Variants in SLC16A1 observed in about 807,000 individuals in gnomAD.
The protein encoded by SLC16A1 is solute carrier family 16 member 1.
Under a neutral mutation model 32.2 loss-of-function variants are expected in SLC16A1, and 11 were observed. The ratio of observed to expected loss-of-function variants is 0.34; its 90% confidence interval spans 0.21 to 0.56. SLC16A1 has a LOEUF of 0.56. Ranked by LOEUF, SLC16A1 falls within the 20% of genes least tolerant of loss-of-function variation. The pLI, the probability that SLC16A1 is intolerant of heterozygous loss-of-function variation, is 0.87. For missense variants in SLC16A1, 435 were observed against 615.0 expected (o/e 0.71, Z 3.10); for synonymous variants, 231 against 226.8 (o/e 1.02, Z -0.17).
At chr1:112,935,856 T>C (rs1649284336) in intron 1 of SLC16A1, 1 of 152,202 alleles carries the variant, frequency 6.6e-6, no homozygotes, top group African/African-American at 2.4e-5. Context: ...TTCTCCCCCA[T>C]TCTCTCTTTT....
chr1:112,935,659 A>G (rs1232529762), intron 1 of SLC16A1, among the ~76,000 whole-genome samples: 2 of 152,214 alleles, frequency 1.3e-5, no homozygotes, highest in African/African-American at 2.4e-5. Context: ...AGGGTTAATG[A>G]CTAAGGATAT....
At chr1:112,914,518 T>C (rs1036217498) in intron 4 of SLC16A1, among the ~76,000 whole-genome samples, 2 of 152,220 alleles carry the variant, frequency 1.3e-5, no homozygotes, top group African/African-American at 4.8e-5. Context: ...AAGGCCATAG[T>C]GCTGTCCCAT....
intron 1 of SLC16A1, 42 bp from the exon 2 acceptor site, chr1:112,929,394 C>G (rs1455519941): frequency 1.8e-6 from 2 of 1,089,704 alleles, no homozygotes; most frequent in Admixed American, 1.9e-5. Flanking sequence ...ATATAAGGCA[C>G]ACCTATAAAA....
At chr1:112,923,960 G>T (rs1353649275) in intron 2 of SLC16A1, 4 of 1,496,776 alleles carry the variant, frequency 2.7e-6, no homozygotes, top group Non-Finnish European at 3.7e-6. Flanking sequence ...CTGGGGACCT[G>T]CTGACTGGCA....
intron 1 of SLC16A1, among the ~76,000 whole-genome samples, chr1:112,946,071 C>T (rs1649695744): frequency 6.6e-6 from 1 of 152,178 alleles, no homozygotes; most frequent in Admixed American, 6.5e-5. Flanking sequence ...TTCCACACTA[C>T]TGTGGAAAAC....
At chr1:112,919,123 C>A (rs1047873700) in intron 3 of SLC16A1, among the ~76,000 whole-genome samples, 2 of 151,920 alleles carry the variant, frequency 1.3e-5, no homozygotes, top group African/African-American at 4.8e-5. Context: ...CTCCACCTCC[C>A]GGGTTCACAC....
chr1:112,918,471 T>C (rs570735247), intron 3 of SLC16A1, among the ~76,000 whole-genome samples: 10 of 152,338 alleles, frequency 6.6e-5, no homozygotes, highest in Admixed American at 2.0e-4. Context: ...TATAAGATCA[T>C]TAAGTCGACA....
rs371087996 is a variant in SLC16A1 at position 112,920,248 on chromosome 1, G to A, written c.361+1742C>T. Among the ~76,000 whole-genome samples, 16 of 152,286 alleles carry A rather than the reference G, an allele frequency of 1.1e-4. 1 individual carries two copies. In the East Asian group the frequency reaches 1.4e-3, roughly 13 times the overall value. On this transcript the variant is annotated intron_variant, in intron 3 of 4. Coordinates refer to ENST00000369626, the MANE Select transcript of SLC16A1 (RefSeq NM_003051.4). Reference sequence around the variant, plus strand: ...AGCATGTTGGGAGGCCGAGGCAGGCGGATCACCTGAGGTCAGGAGTTTGAG... The same window carrying A: ...AGCATGTTGGGAGGCCGAGGCAGGCAGATCACCTGAGGTCAGGAGTTTGAG...
At position 112,929,317 on chromosome 1, in the gene SLC16A1, T is replaced by G; in HGVS notation, c.-9A>C. On this transcript the variant is annotated 5_prime_UTR_variant, in exon 2 of 5. Coordinates refer to ENST00000369626, the MANE Select transcript of SLC16A1 (RefSeq NM_003051.4). ...CCAACTGCTGGTGGCATTTTAAGTG[T>G]AGATAAATTCCAAAATGCAGGTCAA... 1 of 1,612,210 alleles carries G rather than the reference T, an allele frequency of 6.2e-7. No individual in the cohort carries two copies. The highest frequency in any genetic ancestry group is 8.5e-7 in the Non-Finnish European group (1 of 1,178,876).
At chr1:112,936,717 A>T (rs1649322341) in intron 1 of SLC16A1, among the ~76,000 whole-genome samples, 1 of 152,136 alleles carries the variant, frequency 6.6e-6, no homozygotes, top group Non-Finnish European at 1.5e-5. Flanking sequence ...TTGTAGTGGG[A>T]GTAAAAGGCT....
intron 4 of SLC16A1, among the ~76,000 whole-genome samples, chr1:112,915,407 G>A (rs1648466429): frequency 6.6e-6 from 1 of 152,302 alleles, no homozygotes; most frequent in Non-Finnish European, 1.5e-5. Flanking sequence ...GAAGGGCCAG[G>A]TTGCTGGGGC....
chr1:112,922,346 G>A (rs562102810), intron 2 of SLC16A1: 52 of 581,916 alleles, frequency 8.9e-5, no homozygotes, highest in Non-Finnish European at 1.5e-4. Flanking sequence ...TAAAAATACT[G>A]GATGGAATTT....
intron 1 of SLC16A1, among the ~76,000 whole-genome samples, chr1:112,947,753 A>T (rs1215445297): frequency 6.6e-6 from 1 of 152,204 alleles, no homozygotes; most frequent in African/African-American, 2.4e-5. Flanking sequence ...TCTGAACTTC[A>T]TTATGATGCT....
rs1648555603 is a variant in SLC16A1, at chr1:112,917,451, C to T, written c.955G>A (p.Val319Ile). 1 of 1,614,016 alleles carries T rather than the reference C, an allele frequency of 6.2e-7. No individual in the cohort carries two copies. Among genetic ancestry groups the T allele is most frequent in the Admixed American group, 1.7e-5 (1 of 60,000 alleles). The change falls in exon 4 of 5, where the codon GTA becomes ATA. Residue 319 changes from valine (V) to isoleucine (I), a missense_variant. Physicochemically the swap from Val to Ile is conservative, Grantham distance 29. Transcript: ENST00000369626. This position sits in a 1 kb window ranked among gnomAD's most constrained non-coding sequence, Gnocchi z 4.1. ...GGTCTTATTGGCTTTGTGTTGGCTA[C>T]AAGTCCCATAGATGGTCGGGCTACC... The part of the protein sequence containing the change: ...DMVARPSMGL[V>I]ANTKPIRPRI...
chr1:112,923,102 C>G (rs1386864138), intron 2 of SLC16A1, among the ~76,000 whole-genome samples: 1 of 151,662 alleles, frequency 6.6e-6, no homozygotes. Context: ...GATGGATCAC[C>G]TGAGGTCAGG....
At position 112,924,008 on chromosome 1, in the gene SLC16A1, G is replaced by A. The variant is rs1165055320; in HGVS notation, c.218-1875C>T. 4 of 1,388,858 alleles carry A rather than the reference G, an allele frequency of 2.9e-6. No homozygotes were observed. In the African/African-American group the frequency reaches 5.7e-5, roughly 20 times the overall value. 86.0% of individuals were successfully genotyped at this position (1,388,858 alleles called of 1,614,324 possible). On this transcript the variant is annotated intron_variant, in intron 2 of 4. Coordinates refer to ENST00000369626, the MANE Select transcript of SLC16A1 (RefSeq NM_003051.4). ...AGGACAAGGACAGGAAACAGCCCAT[G>A]GGCCGCTTCTTTGGGACTCAATGGG... is the stretch of plus-strand genomic sequence containing the variant.
intron 1 of SLC16A1, among the ~76,000 whole-genome samples, chr1:112,935,580 TTATC>T (rs1295973428): frequency 6.6e-6 from 1 of 152,124 alleles, no homozygotes; most frequent in Non-Finnish European, 1.5e-5. Context: ...GATCTGACAT[TTATC>T]TAATGGGACT....
rs113263872 is a variant in SLC16A1 at position 112,938,258 on chromosome 1, C to G, written c.-44-8906G>C. On this transcript the variant is annotated intron_variant, in intron 1 of 4. Coordinates refer to ENST00000369626, the MANE Select transcript of SLC16A1 (RefSeq NM_003051.4). ...TTCAAACACATGGAAACATTCAAATCCAGAAAGGCTGATTTCCTGAAGCTA... is the reference window on the plus strand; with the variant it reads ...TTCAAACACATGGAAACATTCAAATGCAGAAAGGCTGATTTCCTGAAGCTA... Among the ~76,000 whole-genome samples, 235 of 152,196 alleles carry G rather than the reference C, an allele frequency of 1.5e-3. 2 individuals carry two copies. Among genetic ancestry groups the G allele is most frequent in the African/African-American group, 5.3e-3 (222 of 41,524 alleles).
At chr1:112,926,524 A>G (rs1337699488) in intron 2 of SLC16A1, among the ~76,000 whole-genome samples, 1 of 152,146 alleles carries the variant, frequency 6.6e-6, no homozygotes, top group Non-Finnish European at 1.5e-5. Flanking sequence ...CAGAAGTTTC[A>G]GTGAGCAGAG....
Sources: gnomAD v4.1 joint callset for allele counts (sites outside exome capture counted in the v4.1 genomes callset) on GRCh38, gnomAD v4.1.1 for gene constraint, Gnocchi (gnomAD v3.1) non-coding constraint, MANE v1.5 for transcripts, NCBI Gene and HGNC (gene_info 2026-07-23, HGNC 2026-07-21) for gene names.